RIMS2: variants seen among roughly 807,000 people sequenced by gnomAD.
RIMS2 encodes the protein regulating synaptic membrane exocytosis 2.
In RIMS2, 59 loss-of-function variants were observed where a neutral mutation model predicts 174.4. The observed-to-expected ratio is 0.34, with a 90% CI of 0.27 to 0.42. The LOEUF is 0.42. Ranked by LOEUF, RIMS2 falls within the 10% of genes least tolerant of loss-of-function variation. The pLI, the probability that RIMS2 is intolerant of heterozygous loss-of-function variation, is 1.00. For missense variants in RIMS2, 1,620 were observed against 1,666.3 expected (o/e 0.97, Z 0.48); for synonymous variants, 606 against 572.5 (o/e 1.06, Z -0.84).
chr8:104,041,426 T>C, intron 19 of RIMS2, 68 bp downstream of exon 22: 1 of 645,466 alleles, frequency 1.5e-6, no homozygotes, highest in Non-Finnish European at 2.8e-6. Context: ...GTTTAATCAT[T>C]TTTTTACTCA....
At chr8:104,179,125 G>A (rs931157639) in intron 19 of RIMS2, among the ~76,000 whole-genome samples, 1 of 151,934 alleles carries the variant, frequency 6.6e-6, no homozygotes, top group African/African-American at 2.4e-5. Context: ...TTTTTTGTCT[G>A]TAAGTCATTG....
intron 19 of RIMS2, among the ~76,000 whole-genome samples, chr8:104,028,532 T>A (rs2096307975): frequency 6.6e-6 from 1 of 152,168 alleles, no homozygotes; most frequent in South Asian, 2.1e-4. Flanking sequence ...AATTATGTTT[T>A]AAAAATAGAT....
intron 19 of RIMS2, among the ~76,000 whole-genome samples, chr8:104,243,058 T>C (rs1174014507): frequency 6.6e-6 from 1 of 152,212 alleles, no homozygotes; most frequent in Non-Finnish European, 1.5e-5. Context: ...TATGTAAAAT[T>C]TAATGCTTTT....
At chr8:104,199,700 T>A (rs1176829152) in intron 19 of RIMS2, among the ~76,000 whole-genome samples, 2 of 152,096 alleles carry the variant, frequency 1.3e-5, no homozygotes, top group Non-Finnish European at 2.9e-5. Context: ...GGACAGACAG[T>A]ATATCAATAA....
Position 103,967,170 on chromosome 8 carries a change from G to GTTTTTTTT in RIMS2, c.2770+6060_2770+6067dup, listed in dbSNP as rs71575988. Among the ~76,000 whole-genome samples the GTTTTTTTT allele has an allele frequency of 4.8e-3, 120 of 24,974 alleles. 22 individuals carry two copies. The highest frequency in any genetic ancestry group is 0.011 in the African/African-American group (52 of 4,744). The allele number at this position is 24,974 out of a possible 152,430, so 16.4% of individuals were successfully genotyped here. On this transcript the variant is annotated intron_variant, in intron 15 of 23. Coordinates refer to ENST00000504942, the Ensembl canonical transcript of RIMS2. ...TTTTCTGCCTGCTTGATCTGTTCTTGTTTTTTTTTTTTTTTTTTTTTTTTT... is the reference window on the plus strand; with the variant it reads ...TTTTCTGCCTGCTTGATCTGTTCTTGTTTTTTTTTTTTTTTTTTTTTTTTTTTTTTTTT...
intron 1 of RIMS2, among the ~76,000 whole-genome samples, chr8:103,607,485 T>A (rs918950228): frequency 2.0e-5 from 3 of 151,404 alleles, no homozygotes; most frequent in Non-Finnish European, 4.4e-5. Context: ...GTTCTTGGAG[T>A]TGCTCTTCTT....
At chr8:103,728,748 CTTT>C (rs71575982) in intron 2 of RIMS2, among the ~76,000 whole-genome samples, 2 of 92,680 alleles carry the variant, frequency 2.2e-5, no homozygotes, top group Non-Finnish European at 4.2e-5. Flanking sequence ...TATGCTCCTT[CTTT>C]TTTTTTTTTT....
At chr8:104,183,839 T>C (rs1223301078) in intron 19 of RIMS2, among the ~76,000 whole-genome samples, 1 of 151,590 alleles carries the variant, frequency 6.6e-6, no homozygotes, top group Non-Finnish European at 1.5e-5. Context: ...TCATCACCAT[T>C]AGAAAACTTC....
intron 1 of RIMS2, among the ~76,000 whole-genome samples, chr8:103,504,846 C>CTTTTTTT (rs11367763): frequency 3.1e-4 from 29 of 95,002 alleles, no homozygotes; most frequent in Non-Finnish European, 4.3e-4. Context: ...TTCTTTCTTT[C>CTTTTTTT]TTTTTTTTTT....
At chr8:103,563,602 C>T (rs1427429012) in intron 1 of RIMS2, among the ~76,000 whole-genome samples, 1 of 152,170 alleles carries the variant, frequency 6.6e-6, no homozygotes, top group African/African-American at 2.4e-5. Context: ...CTGAGCCCTC[C>T]AAACTGTTCC....
chr8:103,775,367 G>C (rs1425447296), intron 3 of RIMS2, among the ~76,000 whole-genome samples: 2 of 151,868 alleles, frequency 1.3e-5, no homozygotes, highest in Non-Finnish European at 2.9e-5. Context: ...TAAGGAACTA[G>C]AAAAAATAAA....
At chr8:103,978,663 TG>T (rs749397710) in intron 16 of RIMS2, among the ~76,000 whole-genome samples, 5 of 152,236 alleles carry the variant, frequency 3.3e-5, no homozygotes, top group Non-Finnish European at 7.3e-5. Context: ...TGGACAAATT[TG>T]TTCCTTAATG....
intron 3 of RIMS2, among the ~76,000 whole-genome samples, chr8:103,789,922 T>C (rs2098481767): frequency 6.6e-6 from 1 of 151,948 alleles, no homozygotes; most frequent in Non-Finnish European, 1.5e-5. Context: ...CCAGATATTT[T>C]TTTCTATTTT....
chr8:104,186,131 A>G (rs1312023972), intron 19 of RIMS2, among the ~76,000 whole-genome samples: 1 of 151,806 alleles, frequency 6.6e-6, no homozygotes, highest in Non-Finnish European at 1.5e-5. Flanking sequence ...GAAAAAAGTC[A>G]GATGCAGAAA....
chr8:104,022,801 A>G (rs4734741), intron 19 of RIMS2, among the ~76,000 whole-genome samples: 7,701 of 152,256 alleles, frequency 0.051, 264 homozygotes, highest in Non-Finnish European at 0.072. Flanking sequence ...ACACTTATAA[A>G]TTTGTTTTTA....
intron 19 of RIMS2, among the ~76,000 whole-genome samples, chr8:104,082,976 T>TGTA (rs1171024562): frequency 2.0e-5 from 3 of 152,084 alleles, no homozygotes; most frequent in Non-Finnish European, 4.4e-5. Context: ...AGGAGGCTAT[T>TGTA]GTAGTAGTCC....
At chr8:103,625,054 C>G (rs16870588) in intron 1 of RIMS2, among the ~76,000 whole-genome samples, 27,727 of 152,008 alleles carry the variant, frequency 0.18, 2,775 homozygotes, top group African/African-American at 0.26. Flanking sequence ...AGTTTTGTTT[C>G]TTACTTCAAC....
chr8:104,195,514 CTT>C (rs34923122), intron 19 of RIMS2, among the ~76,000 whole-genome samples: 2,156 of 111,768 alleles, frequency 0.019, 33 homozygotes, highest in African/African-American at 0.057. Context: ...ATTTTATCTC[CTT>C]TTTTTTTTTT....
intron 19 of RIMS2, among the ~76,000 whole-genome samples, chr8:104,043,898 A>G (rs900031398): frequency 5.9e-5 from 9 of 151,650 alleles, no homozygotes; most frequent in Admixed American, 4.6e-4. Context: ...TGCCTAGAAT[A>G]TAGATGGTAG....
Sources: gnomAD v4.1 joint callset for allele counts (sites outside exome capture counted in the v4.1 genomes callset) on GRCh38, gnomAD v4.1.1 for gene constraint, MANE v1.5 for transcripts, NCBI Gene and HGNC (gene_info 2026-07-23, HGNC 2026-07-21) for gene names.